MX2: variants seen among roughly 807,000 people sequenced by gnomAD.
MX2 encodes the protein MX dynamin like GTPase 2.
A neutral mutation model predicts 74.0 loss-of-function variants in MX2; 51 were observed. That is an observed-to-expected ratio of 0.69 (90% CI 0.55 to 0.87). The LOEUF (loss-of-function observed/expected upper bound fraction) is 0.87, where lower values mean the gene tolerates loss of function less well. MX2 is among the 40% of genes least tolerant of loss of function. The pLI is 0.00. For synonymous variants in MX2, 369 were observed against 339.3 expected (o/e 1.09, Z -0.96); for missense variants, 832 against 908.7 (o/e 0.92, Z 1.09).
rs2089833162 is a variant in MX2, at chr21:41,402,915, G to A, written c.1574-352G>A. The A allele has an allele frequency of 4.4e-6, 1 of 229,282 alleles. No homozygotes were observed. The highest frequency in any genetic ancestry group is 8.9e-6 in the Non-Finnish European group (1 of 112,300). 14.2% of individuals were successfully genotyped at this position (229,282 alleles called of 1,614,324 possible). Reference sequence around the variant, plus strand: ...CCACCGCAGATCTGAAAAGAGGTGGGGCTCAGGCAGCAGTGCTCACTAGCT... The same window carrying A: ...CCACCGCAGATCTGAAAAGAGGTGGAGCTCAGGCAGCAGTGCTCACTAGCT... On this transcript the variant is annotated intron_variant, in intron 11 of 13. Transcript: ENST00000330714. This position sits in a 1 kb window ranked among gnomAD's most constrained non-coding sequence, Gnocchi z 4.5.
At chr21:41,378,120 C>T (rs1601401570) in intron 3 of MX2, 139 bp downstream of exon 3, 6 of 1,117,792 alleles carry the variant, frequency 5.4e-6, no homozygotes, top group East Asian at 5.2e-5. Context: ...GGAGAGAGGC[C>T]GCTGAGAGAG....
rs186807445 is a variant in MX2, at chr21:41,407,259, A to C, written c.1905+261A>C. ...TGTACTCAAAATTAATTCTGACCCC[A>C]AAATTCCTTATATTTCTTATGCGGT... On this transcript the variant is annotated intron_variant, in intron 13 of 13. Transcript: ENST00000330714. Among the ~76,000 whole-genome samples, 183 of 152,360 alleles carry C rather than the reference A, an allele frequency of 1.2e-3. 1 individual carries two copies. Among genetic ancestry groups the C allele is most frequent in the African/African-American group, 4.0e-3 (168 of 41,580 alleles).
chr21:41,404,472 T>G (rs1338666323), intron 12 of MX2: 1 of 152,160 alleles, frequency 6.6e-6, no homozygotes, highest in Non-Finnish European at 1.5e-5. Context: ...AGGATGTACG[T>G]GGGAAAAAGA....
intron 7 of MX2, among the ~76,000 whole-genome samples, chr21:41,396,254 C>T (rs548769963): frequency 6.6e-6 from 1 of 152,174 alleles, no homozygotes; most frequent in Non-Finnish European, 1.5e-5. Context: ...TTTTTAGAGC[C>T]TCCAGTGCCC....
intron 6 of MX2, among the ~76,000 whole-genome samples, chr21:41,391,403 T>C (rs865966954): frequency 9.2e-5 from 14 of 152,010 alleles, no homozygotes; most frequent in African/African-American, 2.9e-4. Context: ...TTTTTTTTTT[T>C]TGAGACAGAG....
chr21:41,379,409 A>G (rs554945098), intron 3 of MX2, among the ~76,000 whole-genome samples: 1 of 152,256 alleles, frequency 6.6e-6, no homozygotes, highest in East Asian at 1.9e-4. Context: ...TGGGTTCAGT[A>G]GCATCGGAGG....
chr21:41,370,134 T>C (rs2089304985), intron 1 of MX2: 1 of 152,250 alleles, frequency 6.6e-6, no homozygotes, highest in African/African-American at 2.4e-5. Context: ...AAAGGTTCTT[T>C]TCCTGGGCTG....
In MX2 at chr21:41,403,557, G is replaced by A. The variant is rs2089844136; in HGVS notation, c.1650+214G>A. 3.1e-5 allele frequency: 23 copies of A among 746,440 alleles called. No individual in the cohort carries two copies. In the East Asian group the frequency reaches 5.9e-4, roughly 19 times the overall value. 46.2% of individuals were successfully genotyped at this position (746,440 alleles called of 1,614,324 possible). A position where few individuals can be genotyped will look rare whatever the true frequency, so the allele number is the denominator to read the frequency against. The stretch of plus-strand genomic sequence containing the variant: ...CAGGAGGCGGCTTCACTCCCCAGGA[G>A]AAATGAAATGCGGCCCGTGCCCTGC... On this transcript the variant is annotated intron_variant, in intron 12 of 13. Transcript: ENST00000330714.
chr21:41,374,743 C>T (rs554485842), intron 1 of MX2, among the ~76,000 whole-genome samples: 17 of 152,322 alleles, frequency 1.1e-4, no homozygotes, highest in African/African-American at 3.8e-4. Context: ...TTCAGTTGTA[C>T]AGAGCCTGAG....
At chr21:41,375,733 G>A (rs1365074806) in intron 1 of MX2, among the ~76,000 whole-genome samples, 2 of 152,162 alleles carry the variant, frequency 1.3e-5, no homozygotes, top group Admixed American at 1.3e-4. Flanking sequence ...TCTGCAAAGA[G>A]TCTTTTTCCA....
intron 12 of MX2, among the ~76,000 whole-genome samples, chr21:41,406,297 C>A (rs773026184): frequency 6.6e-6 from 1 of 152,220 alleles, no homozygotes; most frequent in Non-Finnish European, 1.5e-5. Flanking sequence ...CAACCTCTTT[C>A]TTCCTTGACT....
chr21:41,386,861 TAC>T (rs2089585230), intron 5 of MX2, among the ~76,000 whole-genome samples: 1 of 152,196 alleles, frequency 6.6e-6, no homozygotes, highest in Admixed American at 6.5e-5. Flanking sequence ...AAGGAGAGAA[TAC>T]AGTCACAGGT....
chr21:41,362,852 G>A (rs183360343), intron 1 of MX2, among the ~76,000 whole-genome samples: 8 of 137,670 alleles, frequency 5.8e-5, no homozygotes, highest in Admixed American at 4.8e-4. Context: ...TCAAGCTCCC[G>A]GGCTCAAGGG....
rs1261660589 is a variant in MX2 at position 41,368,086 on chromosome 21, A to T, written c.-72+6031A>T. On this transcript the variant is annotated intron_variant, in intron 1 of 13. Transcript: ENST00000330714. This position sits in a 1 kb window ranked among gnomAD's most constrained non-coding sequence, Gnocchi z 4.6. ...GCTCTGCATTTATACTGGGCTGCGG[A>T]AGCTCCCACGTGGGGACCAAGCCCT... is the stretch of plus-strand genomic sequence containing the variant. Among the ~76,000 whole-genome samples the T allele has an allele frequency of 2.0e-5, 3 of 152,160 alleles. No individual in the cohort carries two copies. Among genetic ancestry groups the T allele is most frequent in the Non-Finnish European group, 1.5e-5 (1 of 68,026 alleles).
In MX2 at chr21:41,380,653, CT is replaced by C. The variant is rs1327953022; in HGVS notation, c.577+505del. Among the ~76,000 whole-genome samples the C allele has an allele frequency of 2.6e-5, 4 of 152,240 alleles. No homozygotes were observed. The highest frequency in any genetic ancestry group is 9.6e-5 in the African/African-American group (4 of 41,462). On this transcript the variant is annotated intron_variant, in intron 4 of 13. Transcript: ENST00000330714. The surrounding 1 kb of genome is among the most constrained non-coding windows in gnomAD (Gnocchi z 4.3). Reference sequence around the variant, plus strand: ...CCCTGGCCAGCCACCTTGTGGCCACCTTTCCTCCCAGCACCCCCTCCAAATG... The same window carrying C: ...CCCTGGCCAGCCACCTTGTGGCCACCTTCCTCCCAGCACCCCCTCCAAATG...
intron 1 of MX2, among the ~76,000 whole-genome samples, chr21:41,362,995 G>T (rs1370404099): frequency 1.3e-5 from 2 of 152,028 alleles, no homozygotes; most frequent in Non-Finnish European, 2.9e-5. Flanking sequence ...ACTGGCTCAA[G>T]AAGTCCTTAC....
intron 6 of MX2, among the ~76,000 whole-genome samples, chr21:41,393,326 T>C (rs546846954): frequency 2.6e-5 from 4 of 152,194 alleles, no homozygotes; most frequent in African/African-American, 7.2e-5. Flanking sequence ...TGTTATCTAC[T>C]CCCTTGGCTT....
chr21:41,401,749 G>T (rs887002764), intron 10 of MX2: 7 of 428,876 alleles, frequency 1.6e-5, no homozygotes, highest in South Asian at 7.9e-5. Flanking sequence ...ACTTTCAATT[G>T]AAACACATTT....
In MX2 at chr21:41,382,552, C is replaced by T. The variant is rs777190325; in HGVS notation, c.720C>T (p.Asp240=). Residue 240 remains aspartate, a synonymous_variant, in exon 5 of 14, where the codon GAC becomes GAT. Transcript: ENST00000330714. ...TGGCTGTGGACAACCAGCCCCGAGA[C>T]ATCGGACTGCAGGTGAGCCCTTCTG... ...TRVAVDNQPR[D]IGLQIKALIK... is the part of the protein sequence containing the mutation. 1.2e-5 allele frequency: 19 copies of T among 1,614,074 alleles called. No individual in the cohort carries two copies. The highest frequency in any genetic ancestry group is 1.6e-4 in the Middle Eastern group (1 of 6,082).
Sources: gnomAD v4.1 joint callset for allele counts (sites outside exome capture counted in the v4.1 genomes callset) on GRCh38, gnomAD v4.1.1 for gene constraint, Gnocchi (gnomAD v3.1) non-coding constraint, MANE v1.5 for transcripts, NCBI Gene and HGNC (gene_info 2026-07-23, HGNC 2026-07-21) for gene names.